MTTP: variants seen among roughly 807,000 people sequenced by gnomAD.
MTTP encodes microsomal triglyceride transfer protein large subunit.
Under a neutral mutation model 90.6 loss-of-function variants are expected in MTTP, and 49 were observed. The observed-to-expected ratio is 0.54, with a 90% CI of 0.43 to 0.69. The LOEUF (loss-of-function observed/expected upper bound fraction) is 0.69, where lower values mean the gene tolerates loss of function less well. MTTP is among the 30% of genes least tolerant of loss of function. MTTP has a pLI of 0.00. For synonymous variants in MTTP, 347 were observed against 384.2 expected (o/e 0.90, Z 1.13); for missense variants, 945 against 1,067.5 (o/e 0.89, Z 1.60).
chr4:99,612,518 ATG>A (rs1398747227), intron 14 of MTTP, among the ~76,000 whole-genome samples: 5 of 152,110 alleles, frequency 3.3e-5, no homozygotes, highest in African/African-American at 1.2e-4. Flanking sequence ...AAGACAGCTG[ATG>A]CGTTGTATAT....
chr4:99,594,507 A>G (rs1424686221), intron 6 of MTTP, among the ~76,000 whole-genome samples: 1 of 152,224 alleles, frequency 6.6e-6, no homozygotes, highest in African/African-American at 2.4e-5. Context: ...TTGAAATAAT[A>G]TTTTGAAAAT....
chr4:99,584,192 A>C (rs1279074718), intron 3 of MTTP: 1 of 152,170 alleles, frequency 6.6e-6, no homozygotes, highest in Non-Finnish European at 1.5e-5. Flanking sequence ...ATTGAGAAAC[A>C]ATTGTGATCA....
rs1414065575 is a variant in MTTP, at chr4:99,583,463, G to A, written c.339G>A (p.Lys113=). ...KGKSPSKIMG[K]ENLEALQRPT... ...AAAGCCCATCTAAAATAATGGGAAA[G>A]GAAAACTTGGAAGCTCTGCAAAGAC... Residue 113 remains lysine (K), a synonymous_variant, in exon 3 of 18, where the codon AAG becomes AAA. Coordinates refer to ENST00000265517, the MANE Select transcript of MTTP (RefSeq NM_001386140.1). 2 of 1,613,462 alleles carry A rather than the reference G, an allele frequency of 1.2e-6. No individual in the cohort carries two copies. The highest frequency in any genetic ancestry group is 1.3e-5 in the African/African-American group (1 of 74,884).
chr4:99,587,717 CAT>C (rs755964047), intron 3 of MTTP, among the ~76,000 whole-genome samples: 205 of 152,236 alleles, frequency 1.3e-3, no homozygotes, highest in Middle Eastern at 3.4e-3. Flanking sequence ...GCCATATAGA[CAT>C]GTGTGCATTG....
At chr4:99,588,629 G>T (rs904917372) in intron 3 of MTTP, among the ~76,000 whole-genome samples, 80 of 151,132 alleles carry the variant, frequency 5.3e-4, no homozygotes, top group African/African-American at 1.9e-3. Context: ...TCAAAGCAGT[G>T]CCTGGGGCAG....
intron 10 of MTTP, among the ~76,000 whole-genome samples, chr4:99,602,397 G>A (rs1360830075): frequency 6.6e-6 from 1 of 152,014 alleles, no homozygotes; most frequent in East Asian, 1.9e-4. Flanking sequence ...TTTCTATAAT[G>A]CAAATAAAGA....
At chr4:99,597,687 T>C (rs912300825) in intron 8 of MTTP, among the ~76,000 whole-genome samples, 3 of 152,210 alleles carry the variant, frequency 2.0e-5, no homozygotes, top group African/African-American at 7.2e-5. Flanking sequence ...CTATGTTTTA[T>C]GTAAAAAATT....
intron 12 of MTTP, 55 bp from the exon 13 acceptor site, chr4:99,611,088 T>C (rs1382795679): frequency 6.4e-7 from 1 of 1,560,276 alleles, no homozygotes; most frequent in East Asian, 2.2e-5. Context: ...AAATTTGACT[T>C]GGGAAACAGT....
chr4:99,573,395 A>G (rs555270973), upstream of MTTP, among the ~76,000 whole-genome samples: 3 of 152,246 alleles, frequency 2.0e-5, no homozygotes, highest in Non-Finnish European at 2.9e-5. Flanking sequence ...ATAAAAACTT[A>G]TATTTCTTTA....
intron 17 of MTTP, among the ~76,000 whole-genome samples, chr4:99,621,787 A>C (rs919272244): frequency 1.3e-5 from 2 of 152,210 alleles, no homozygotes; most frequent in Non-Finnish European, 2.9e-5. Context: ...AAATACAAAG[A>C]TATAATTTCC....
chr4:99,601,570 G>A, intron 9 of MTTP, 37 bp from the exon 10 acceptor site: 1 of 1,374,290 alleles, frequency 7.3e-7, no homozygotes, highest in East Asian at 2.3e-5. Context: ...ATATTTAAAT[G>A]TCTTGGTAAC....
At chr4:99,616,048 A>G (rs1726091633) in intron 15 of MTTP, among the ~76,000 whole-genome samples, 1 of 151,950 alleles carries the variant, frequency 6.6e-6, no homozygotes, top group South Asian at 2.1e-4. Flanking sequence ...CTTGTACACC[A>G]GGAGACAAAA....
At chr4:99,584,603 C>T (rs1725211920) in intron 3 of MTTP, among the ~76,000 whole-genome samples, 1 of 148,694 alleles carries the variant, frequency 6.7e-6, no homozygotes, top group Non-Finnish European at 1.5e-5. Context: ...CTTTCTCTTC[C>T]TTCTTTACTT....
At chr4:99,567,653 A>T (rs1402148472) in intron 1 of MTTP, among the ~76,000 whole-genome samples, 3 of 152,236 alleles carry the variant, frequency 2.0e-5, no homozygotes, top group Non-Finnish European at 4.4e-5. Context: ...CCGTTCTTGA[A>T]CATAGCCCAA....
At chr4:99,564,619 A>G (rs1360730266) in intron 1 of MTTP, among the ~76,000 whole-genome samples, 1 of 152,174 alleles carries the variant, frequency 6.6e-6, no homozygotes. Flanking sequence ...CTATATATAG[A>G]TCATGTCAAC....
At chr4:99,610,613 A>C (rs1486928005) in intron 12 of MTTP, among the ~76,000 whole-genome samples, 3 of 152,192 alleles carry the variant, frequency 2.0e-5, no homozygotes, top group Non-Finnish European at 4.4e-5. Context: ...AAGGATTAAG[A>C]CTTACTCCAG....
At position 99,622,738 on chromosome 4, in the gene MTTP, AAAG is replaced by A. The variant is rs1201051027; in HGVS notation, c.2578_2580del (p.Glu860del). 2 of 1,614,128 alleles carry A rather than the reference AAAG, an allele frequency of 1.2e-6. No homozygotes were observed. Among genetic ancestry groups the A allele is most frequent in the East Asian group, 2.2e-5 (1 of 44,870 alleles). ...CAGAGGTTATGTCTCTCAGAAAAGAAAAGAAAGCGTATTAGCAGGATGTGAATT... is the reference window on the plus strand; with the variant it reads ...CAGAGGTTATGTCTCTCAGAAAAGAAAAAGCGTATTAGCAGGATGTGAATT... On this transcript the variant is annotated inframe_deletion, in exon 18 of 18. Coordinates refer to ENST00000265517, the MANE Select transcript of MTTP (RefSeq NM_001386140.1).
chr4:99,583,527 C>T lies in MTTP; in HGVS notation c.393+10C>T, dbSNP rs375259963. 44 of 1,613,338 alleles carry T rather than the reference C, an allele frequency of 2.7e-5. No homozygotes were observed. In the African/African-American group the frequency reaches 4.3e-4, roughly 16 times the overall value. Reference sequence around the variant, plus strand: ...TCTAATCCATGGAAAGGTAAAGGGGCGTTTAGATTCCACAACTTTTTCTCC... The same window carrying T: ...TCTAATCCATGGAAAGGTAAAGGGGTGTTTAGATTCCACAACTTTTTCTCC... On this transcript the variant is annotated intron_variant, in intron 3 of 17. Transcript: ENST00000265517.
chr4:99,619,033 T>C lies in MTTP; in HGVS notation c.2277T>C (p.Ile759=), dbSNP rs1027567587. The C allele has an allele frequency of 1.9e-6, 3 of 1,613,636 alleles. No homozygotes were observed. Among genetic ancestry groups the C allele is most frequent in the Admixed American group, 1.7e-5 (1 of 60,018 alleles). Reference sequence around the variant, plus strand: ...TAGAGGTCCAGGGTGGTCTAGCTATTGATATTTCAGGTGCAATGGAGTTTA... The same window carrying C: ...TAGAGGTCCAGGGTGGTCTAGCTATCGATATTTCAGGTGCAATGGAGTTTA... ...ANIEVQGGLA[I]DISGAMEFSL... is the part of the protein sequence containing the mutation. Residue 759 remains isoleucine (I), a synonymous_variant, in exon 16 of 18, where the codon ATT becomes ATC. Coordinates refer to ENST00000265517, the MANE Select transcript of MTTP (RefSeq NM_001386140.1).
Sources: gnomAD v4.1 joint callset for allele counts (sites outside exome capture counted in the v4.1 genomes callset) on GRCh38, gnomAD v4.1.1 for gene constraint, MANE v1.5 for transcripts, NCBI Gene and HGNC (gene_info 2026-07-23, HGNC 2026-07-21) for gene names.